Variants in BTAF1 observed in about 807,000 individuals in gnomAD.
BTAF1 encodes B-TFIID TATA-box binding protein associated factor 1, also known as TATA-binding protein-associated factor 172.
BTAF1 carries 38 observed loss-of-function variants against 227.1 expected under a neutral mutation model. That is an observed-to-expected ratio of 0.17 (90% confidence interval 0.13 to 0.22). The LOEUF is 0.22. Ranked by LOEUF, BTAF1 falls within the 10% of genes least tolerant of loss-of-function variation. The probability of loss-of-function intolerance (pLI) is 1.00; values close to 1 mark genes in which losing one functional copy is unlikely to be tolerated. For missense variants in BTAF1, 1,598 were observed against 2,204.0 expected (o/e 0.73, Z 5.51); for synonymous variants, 742 against 751.9 (o/e 0.99, Z 0.21).
chr10:91,946,298 G>A (rs894596202), intron 4 of BTAF1, among the ~76,000 whole-genome samples: 2 of 152,180 alleles, frequency 1.3e-5, no homozygotes, highest in Non-Finnish European at 2.9e-5. Context: ...GGCAGAGATT[G>A]CGGTGACCCA....
chr10:91,946,940 A>G (rs1340535564), intron 4 of BTAF1, among the ~76,000 whole-genome samples: 1 of 151,708 alleles, frequency 6.6e-6, no homozygotes, highest in Non-Finnish European at 1.5e-5. Flanking sequence ...CCTGAGTTCA[A>G]ATGATTCTCC....
Position 92,013,800 on chromosome 10 carries a change from A to T in BTAF1, c.4445A>T (p.Gln1482Leu). ...GATGCTCGAAGCTCCAGTCGAGAGCAAGAAGCAGGTATGAAAGAGATATAA... is the reference window on the plus strand; with the variant it reads ...GATGCTCGAAGCTCCAGTCGAGAGCTAGAAGCAGGTATGAAAGAGATATAA... ...SRDARSSSRE[Q>L]EAGVLAMDAL... Residue 1482 changes from glutamine (Q) to leucine (L), a missense_variant, in exon 31 of 38, where the codon CAA (glutamine) becomes CTA (leucine). By Grantham distance (113) the Gln-to-Leu change is moderately radical. Transcript: ENST00000265990. 2.5e-6 allele frequency: 4 copies of T among 1,614,042 alleles called. No homozygotes were observed. The South Asian group carries it at 4.4e-5, about 18-fold the overall frequency.
Position 92,028,843 on chromosome 10 carries a change from A to ATCAAT in BTAF1, c.5463_5467dup (p.Leu1823GlnfsTer6). The ATCAAT allele has an allele frequency of 6.2e-7, 1 of 1,610,560 alleles. No homozygotes were observed. Among genetic ancestry groups the ATCAAT allele is most frequent in the Non-Finnish European group, 8.5e-7 (1 of 1,178,628 alleles). ...CTACTTCTGGGAAAGCAAGTATGAA[A>ATCAAT]TCAATTCTTGAAAACCTGAGTGATC... On this transcript the variant is annotated frameshift_variant, in exon 38 of 38. Transcript: ENST00000265990. LOFTEE classifies it high-confidence loss of function.
chr10:92,013,519 CTAAAA>C, intron 30 of BTAF1, 143 bp from the exon 31 acceptor site: 1 of 1,047,858 alleles, frequency 9.5e-7, no homozygotes, highest in Admixed American at 2.5e-5. Flanking sequence ...ATTTTACACA[CTAAAA>C]TAAAGACTTA....
chr10:91,992,301 C>A lies in BTAF1; in HGVS notation c.3037C>A (p.Leu1013Ile), dbSNP rs1451126230. ...AAGTAGTGGAAATATTCTTGTTGAA[C>A]TTGATGAGGTAAGTAGTTTTTTTTT... ...AGSSGNILVE[L>I]DEAQKPYLVQ... The change falls in exon 21 of 38, where the codon CTT becomes ATT. Residue 1013 changes from leucine to isoleucine, a missense_variant. By Grantham distance (5) the Leu-to-Ile change is conservative. Coordinates refer to ENST00000265990, the MANE Select transcript of BTAF1 (RefSeq NM_003972.3). 4.4e-6 allele frequency: 7 copies of A among 1,594,100 alleles called. No individual in the cohort carries two copies. In the South Asian group the frequency reaches 8.0e-5, roughly 18 times the overall value.
In BTAF1 at chr10:91,951,329, A is replaced by G. The variant is rs1021188118; in HGVS notation, c.401-74A>G. The G allele has an allele frequency of 2.1e-6, 3 of 1,430,108 alleles. No homozygotes were observed. The African/African-American group carries it at 4.4e-5, about 21-fold the overall frequency. 88.6% of individuals were successfully genotyped at this position (1,430,108 alleles called of 1,614,324 possible). A position where few individuals can be genotyped will look rare whatever the true frequency, so the allele number is the denominator to read the frequency against. On this transcript the variant is annotated intron_variant, in intron 4 of 37. Transcript: ENST00000265990. Reference sequence around the variant, plus strand: ...ATGCTTTGTGTATTTTTTTATTTTGATAGAGTTTGATGTGCACGTATTAGA... The same window carrying G: ...ATGCTTTGTGTATTTTTTTATTTTGGTAGAGTTTGATGTGCACGTATTAGA...
At position 92,024,793 on chromosome 10, in the gene BTAF1, C is replaced by G. The variant is rs1346399935; in HGVS notation, c.4901C>G (p.Ser1634Cys). Reference protein sequence around the residue: ...LDCGLGNGSTSESGTESVVAQ... With the variant: ...LDCGLGNGSTCESGTESVVAQ... ...TGCGGTTTGGGAAATGGCAGCACTT[C>G]CGAGAGTGGCACAGAGTCTGTTGTG... Residue 1634 changes from serine (S) to cysteine (C), a missense_variant, in exon 35 of 38, where the codon TCC (serine) becomes TGC (cysteine). By Grantham distance (112) the Ser-to-Cys change is moderately radical. Coordinates refer to ENST00000265990, the MANE Select transcript of BTAF1 (RefSeq NM_003972.3). 1 of 1,609,272 alleles carries G rather than the reference C, an allele frequency of 6.2e-7. No homozygotes were observed. The highest frequency in any genetic ancestry group is 1.1e-5 in the South Asian group (1 of 90,936).
At chr10:91,930,271 T>C (rs945209516) in intron 1 of BTAF1, among the ~76,000 whole-genome samples, 2 of 152,234 alleles carry the variant, frequency 1.3e-5, no homozygotes, top group African/African-American at 4.8e-5. Flanking sequence ...CTATAGGTTG[T>C]TCGATCAGGG....
rs763116213 is a variant in BTAF1, at chr10:91,939,958, A to C, written c.145A>C (p.Ile49Leu). 1 of 1,605,352 alleles carries C rather than the reference A, an allele frequency of 6.2e-7. No individual in the cohort carries two copies. Among genetic ancestry groups the C allele is most frequent in the Non-Finnish European group, 8.5e-7 (1 of 1,173,508 alleles). ...TTATTTTATAATTTTTAAGGTGTTGATATATTTAAGGAGTGCAAATTGGGA... is the reference window on the plus strand; with the variant it reads ...TTATTTTATAATTTTTAAGGTGTTGCTATATTTAAGGAGTGCAAATTGGGA... Reference protein sequence around the residue: ...ELNNLLSKVLIYLRSANWDTR... With the variant: ...ELNNLLSKVLLYLRSANWDTR... Residue 49 changes from isoleucine (I) to leucine (L), a missense_variant, in exon 3 of 38, where the codon ATA becomes CTA. Ile to Leu is a conservative substitution (Grantham distance 5). Transcript: ENST00000265990.
rs193009090 is a variant in BTAF1 at position 92,016,453 on chromosome 10, C to G, written c.4698C>G (p.Gly1566=). 1 of 1,566,596 alleles carries G rather than the reference C, an allele frequency of 6.4e-7. No individual in the cohort carries two copies. The highest frequency in any genetic ancestry group is 2.3e-5 in the East Asian group (1 of 43,338). The change falls in exon 33 of 38, where the codon GGC becomes GGG. Residue 1566 remains glycine (G), a synonymous_variant. Coordinates refer to ENST00000265990, the MANE Select transcript of BTAF1 (RefSeq NM_003972.3). ...ETEKPKLKAT[G]HVFQALQYLR... Reference sequence around the variant, plus strand: ...AAAAACCAAAGCTTAAAGCTACAGGCCACGTATTCCAGGTATAGATTACAT... The same window carrying G: ...AAAAACCAAAGCTTAAAGCTACAGGGCACGTATTCCAGGTATAGATTACAT...
At chr10:91,996,223 G>A in intron 23 of BTAF1, 146 bp from the exon 24 acceptor site, 1 of 667,306 alleles carries the variant, frequency 1.5e-6, no homozygotes, top group Non-Finnish European at 2.5e-6. Context: ...TATTGAGAAT[G>A]TTTTGGCAGT....
At chr10:91,967,435 G>T (rs984829507) in intron 14 of BTAF1, among the ~76,000 whole-genome samples, 4 of 152,186 alleles carry the variant, frequency 2.6e-5, no homozygotes, top group Non-Finnish European at 5.9e-5. Flanking sequence ...TAGTTTTCTA[G>T]TGTGCAGTTA....
intron 14 of BTAF1, among the ~76,000 whole-genome samples, chr10:91,978,302 T>C (rs985654221): frequency 2.0e-5 from 3 of 152,194 alleles, no homozygotes; most frequent in Non-Finnish European, 4.4e-5. Flanking sequence ...TCTTCCTCTA[T>C]AGATGTGACT....
At position 91,948,010 on chromosome 10, in the gene BTAF1, C is replaced by G. The variant is rs1845497588; in HGVS notation, c.401-3393C>G. Among the ~76,000 whole-genome samples, 2 of 151,748 alleles carry G rather than the reference C, an allele frequency of 1.3e-5. 1 individual carries two copies. The highest frequency in any genetic ancestry group is 6.8e-3 in the Middle Eastern group (2 of 292). ...GATTGGGTACTTTGTATTGCTTTATCTTTTTTTTATTATTATACTTTAAGT... is the reference window on the plus strand; with the variant it reads ...GATTGGGTACTTTGTATTGCTTTATGTTTTTTTTATTATTATACTTTAAGT... On this transcript the variant is annotated intron_variant, in intron 4 of 37. Transcript: ENST00000265990.
chr10:91,930,481 T>G (rs1310530107), intron 1 of BTAF1, among the ~76,000 whole-genome samples: 1 of 152,224 alleles, frequency 6.6e-6, no homozygotes, highest in Non-Finnish European at 1.5e-5. Context: ...AGCAAGCACC[T>G]GCCCTTACAC....
At chr10:91,953,414 G>A (rs752907261) in intron 5 of BTAF1, among the ~76,000 whole-genome samples, 19 of 151,782 alleles carry the variant, frequency 1.3e-4, no homozygotes, top group Non-Finnish European at 2.2e-4. Flanking sequence ...TAACTTTTTG[G>A]TGATATTATT....
At chr10:91,974,715 C>T (rs749449455) in intron 14 of BTAF1, among the ~76,000 whole-genome samples, 1 of 151,992 alleles carries the variant, frequency 6.6e-6, no homozygotes, top group Non-Finnish European at 1.5e-5. Context: ...AGCCAGGAGT[C>T]GTGGTGGGTG....
chr10:91,944,346 C>T (rs547508805), intron 4 of BTAF1, among the ~76,000 whole-genome samples: 4 of 152,220 alleles, frequency 2.6e-5, no homozygotes, highest in African/African-American at 9.6e-5. Flanking sequence ...ATATTAATGA[C>T]ACCATATATG....
intron 20 of BTAF1, among the ~76,000 whole-genome samples, chr10:91,991,793 GTGTGTATATA>G (rs1419814610): frequency 8.4e-5 from 7 of 83,468 alleles, no homozygotes; most frequent in Non-Finnish European, 2.2e-4. Context: ...GTGTGTGTGT[GTGTGTATATA>G]TATATATATA....
Sources: allele counts gnomAD v4.1 joint callset (sites outside exome capture counted in the v4.1 genomes callset), GRCh38; gene constraint gnomAD v4.1.1; transcripts MANE v1.5; gene names NCBI Gene and HGNC (gene_info 2026-07-23, HGNC 2026-07-21).